Variants in FBXL13 observed in about 807,000 individuals in gnomAD.
FBXL13 encodes F-box and leucine-rich repeat protein 13.
In FBXL13, 67 loss-of-function variants were observed where a neutral mutation model predicts 83.6. The ratio of observed to expected loss-of-function variants is 0.80; its 90% CI spans 0.66 to 0.98. The LOEUF is 0.98. Ranked by LOEUF, FBXL13 falls within the 50% of genes least tolerant of loss-of-function variation. The pLI, the probability that FBXL13 is intolerant of heterozygous loss-of-function variation, is 0.00. For missense variants in FBXL13, 822 were observed against 866.5 expected (o/e 0.95, Z 0.64); for synonymous variants, 272 against 299.5 (o/e 0.91, Z 0.95).
At chr7:103,021,422 G>C (rs1264318682) in intron 6 of FBXL13, among the ~76,000 whole-genome samples, 1 of 152,066 alleles carries the variant, frequency 6.6e-6, no homozygotes, top group African/African-American at 2.4e-5. Flanking sequence ...CATAGGCATG[G>C]GCAAGGACTT....
At chr7:102,834,702 G>A (rs1178887902) in intron 17 of FBXL13, 1 of 151,938 alleles carries the variant, frequency 6.6e-6, no homozygotes, top group Non-Finnish European at 1.5e-5. Flanking sequence ...ACATTCAATT[G>A]TTTTTTCAGT....
intron 6 of FBXL13, among the ~76,000 whole-genome samples, chr7:103,014,938 A>AG (rs1001435528): frequency 4.0e-5 from 6 of 150,850 alleles, no homozygotes; most frequent in Non-Finnish European, 5.9e-5. Context: ...AAAAAAAAAA[A>AG]AAAAAAAAAG....
chr7:102,874,431 C>G, intron 16 of FBXL13: 1 of 894,116 alleles, frequency 1.1e-6, no homozygotes, highest in Admixed American at 6.2e-5. Flanking sequence ...TTTTTTCAAT[C>G]TTTTAGCAGA....
At chr7:102,817,036 C>T (rs1798112572) in intron 19 of FBXL13, among the ~76,000 whole-genome samples, 1 of 152,198 alleles carries the variant, frequency 6.6e-6, no homozygotes, top group African/African-American at 2.4e-5. Context: ...GATCCCATGA[C>T]TTTGCTATTG....
At chr7:102,949,106 A>C (rs574717844) in intron 8 of FBXL13, among the ~76,000 whole-genome samples, 1 of 152,322 alleles carries the variant, frequency 6.6e-6, no homozygotes, top group South Asian at 2.1e-4. Flanking sequence ...AAACAGCCCA[A>C]AAGAGTAGCC....
At chr7:102,965,679 T>A (rs1825898683) in intron 7 of FBXL13, among the ~76,000 whole-genome samples, 1 of 152,194 alleles carries the variant, frequency 6.6e-6, no homozygotes, top group South Asian at 2.1e-4. Context: ...AACATGTTTG[T>A]GTTTCTCATT....
chr7:102,980,738 C>G (rs1415715710), intron 6 of FBXL13, among the ~76,000 whole-genome samples: 1 of 151,802 alleles, frequency 6.6e-6, no homozygotes, highest in African/African-American at 2.4e-5. Flanking sequence ...GATCGTGCCA[C>G]TGCACTCCAG....
intron 14 of FBXL13, among the ~76,000 whole-genome samples, chr7:102,881,077 C>T (rs894083253): frequency 1.3e-5 from 2 of 152,108 alleles, no homozygotes; most frequent in African/African-American, 2.4e-5. Flanking sequence ...TATTTAATCA[C>T]GGATCTGAAT....
At chr7:103,064,591 A>G (rs1798221813) in intron 1 of FBXL13, among the ~76,000 whole-genome samples, 1 of 152,188 alleles carries the variant, frequency 6.6e-6, no homozygotes, top group Non-Finnish European at 1.5e-5. Flanking sequence ...CCTTATATGA[A>G]CAAGCCAAGT....
chr7:103,043,446 A>G (rs995265282), intron 2 of FBXL13, among the ~76,000 whole-genome samples: 6 of 152,144 alleles, frequency 3.9e-5, no homozygotes, highest in Non-Finnish European at 5.9e-5. Flanking sequence ...AGAAATACAT[A>G]CCATTTGACC....
intron 17 of FBXL13, among the ~76,000 whole-genome samples, chr7:102,835,827 T>A (rs1265459189): frequency 6.6e-6 from 1 of 151,750 alleles, no homozygotes; most frequent in Non-Finnish European, 1.5e-5. Context: ...GCCGGGATGG[T>A]CTCGATCTCC....
At chr7:102,999,110 G>T (rs971344513) in intron 6 of FBXL13, among the ~76,000 whole-genome samples, 1 of 151,354 alleles carries the variant, frequency 6.6e-6, no homozygotes, top group Admixed American at 6.6e-5. Flanking sequence ...CCAAATTGTT[G>T]AGGGTTTTTT....
chr7:102,832,829 C>T lies in FBXL13; in HGVS notation c.1854+11G>A, dbSNP rs1445157304. ...AATTGGATGTGTTTGAGCCCTGACT[C>T]CTGCACATACCTTTGGACAGCCAGC... On this transcript the variant is annotated intron_variant, in intron 18 of 19. Transcript: ENST00000313221. 1.9e-6 allele frequency: 3 copies of T among 1,614,066 alleles called. No homozygotes were observed. The South Asian group carries it at 3.3e-5, about 18-fold the overall frequency.
chr7:102,864,629 A>G (rs749705674), intron 16 of FBXL13, among the ~76,000 whole-genome samples: 48 of 152,148 alleles, frequency 3.2e-4, no homozygotes, highest in Non-Finnish European at 6.3e-4. Context: ...TTGACCTCCC[A>G]AAGTGCTGGG....
intron 6 of FBXL13, among the ~76,000 whole-genome samples, chr7:103,007,920 G>C (rs1264311555): frequency 1.3e-5 from 2 of 152,136 alleles, no homozygotes; most frequent in Non-Finnish European, 2.9e-5. Flanking sequence ...AGAAGGGTGA[G>C]GAGAGTGTCT....
At chr7:102,827,415 A>C (rs939887462) in intron 18 of FBXL13, among the ~76,000 whole-genome samples, 5 of 152,236 alleles carry the variant, frequency 3.3e-5, no homozygotes, top group African/African-American at 7.2e-5. Flanking sequence ...ATAAAATGGT[A>C]GTTGTCTTAA....
At chr7:103,051,373 T>G (rs1247033089) in intron 2 of FBXL13, among the ~76,000 whole-genome samples, 16 of 151,888 alleles carry the variant, frequency 1.1e-4, no homozygotes, top group Admixed American at 1.0e-3. Context: ...CAGCTGAGTT[T>G]CTGTCGTGAC....
intron 8 of FBXL13, among the ~76,000 whole-genome samples, chr7:102,935,169 C>T (rs1452603365): frequency 6.7e-6 from 1 of 149,354 alleles, no homozygotes; most frequent in Non-Finnish European, 1.5e-5. Flanking sequence ...GATGGCCCTT[C>T]GGTATTTCTT....
exon 20 of FBXL13, chr7:102,813,248 T>C: frequency 8.8e-7 from 1 of 1,137,032 alleles, no homozygotes; most frequent in Non-Finnish European, 1.3e-6. Context: ...TTGTTTACAT[T>C]GTTATTGAGA....
Sources: gnomAD v4.1 joint callset for allele counts (sites outside exome capture counted in the v4.1 genomes callset) on GRCh38, gnomAD v4.1.1 for gene constraint, MANE v1.5 for transcripts, NCBI Gene and HGNC (gene_info 2026-07-23, HGNC 2026-07-21) for gene names.